MOB3B: variants seen among roughly 807,000 people sequenced by gnomAD.
The protein encoded by MOB3B is MOB kinase activator 3B, also known as MOB kinase activator-like 2B.
Under a neutral mutation model 18.7 loss-of-function variants are expected in MOB3B, and 7 were observed. That is an observed-to-expected ratio of 0.37 (90% CI 0.21 to 0.70). The LOEUF (loss-of-function observed/expected upper bound fraction) is 0.70. Ranked by LOEUF, MOB3B falls within the 30% of genes least tolerant of loss-of-function variation. The pLI is 0.52. For synonymous variants in MOB3B, 111 were observed against 99.9 expected (o/e 1.11, Z -0.66); for missense variants, 253 against 281.3 (o/e 0.90, Z 0.72).
chr9:27,489,892 A>T (rs1041809129), intron 1 of MOB3B, among the ~76,000 whole-genome samples: 1 of 152,044 alleles, frequency 6.6e-6, no homozygotes, highest in Non-Finnish European at 1.5e-5. Flanking sequence ...CAAAACAACT[A>T]TTAAACTTGA....
At chr9:27,360,486 C>G (rs139450093) in intron 2 of MOB3B, among the ~76,000 whole-genome samples, 3 of 152,340 alleles carry the variant, frequency 2.0e-5, no homozygotes, top group African/African-American at 7.2e-5. Flanking sequence ...GCCTTGGCGA[C>G]AGAGTGAGAC....
intron 2 of MOB3B, among the ~76,000 whole-genome samples, chr9:27,428,679 G>A (rs1822373238): frequency 6.6e-6 from 1 of 152,242 alleles, no homozygotes; most frequent in African/African-American, 2.4e-5. Flanking sequence ...AAAGGTGATA[G>A]CTGCAGGGCA....
chr9:27,459,927 T>C (rs1237726100), intron 1 of MOB3B, among the ~76,000 whole-genome samples: 1 of 137,944 alleles, frequency 7.2e-6, no homozygotes, highest in Non-Finnish European at 1.6e-5. Flanking sequence ...TAAGTAGAAA[T>C]GGAAAGTAAA....
At chr9:27,464,033 A>G (rs1354424593) in intron 1 of MOB3B, among the ~76,000 whole-genome samples, 1 of 152,212 alleles carries the variant, frequency 6.6e-6, no homozygotes, top group Non-Finnish European at 1.5e-5. Flanking sequence ...TACTGTGAAA[A>G]TTAGAAGAGA....
intron 1 of MOB3B, among the ~76,000 whole-genome samples, chr9:27,487,957 A>G (rs536754221): frequency 1.3e-5 from 2 of 152,314 alleles, no homozygotes; most frequent in Admixed American, 1.3e-4. Context: ...TCTGAGAGAA[A>G]TAACCTATTG....
intron 2 of MOB3B, among the ~76,000 whole-genome samples, chr9:27,443,921 A>T (rs867040912): frequency 6.6e-6 from 1 of 152,152 alleles, no homozygotes. Flanking sequence ...CATGAATGGC[A>T]TATGTATGAT....
At chr9:27,387,023 G>T (rs1821658887) in intron 2 of MOB3B, among the ~76,000 whole-genome samples, 1 of 152,164 alleles carries the variant, frequency 6.6e-6, no homozygotes, top group Admixed American at 6.5e-5. Context: ...TGGCAGAGTT[G>T]CTTCTGCGTA....
intron 1 of MOB3B, among the ~76,000 whole-genome samples, chr9:27,510,329 G>T (rs1447188261): frequency 6.6e-6 from 1 of 152,202 alleles, no homozygotes; most frequent in East Asian, 1.9e-4. Flanking sequence ...CTAACCAAGA[G>T]TAACTGTGCA....
chr9:27,364,473 T>C (rs1322933519), intron 2 of MOB3B, among the ~76,000 whole-genome samples: 1 of 152,212 alleles, frequency 6.6e-6, no homozygotes, highest in Non-Finnish European at 1.5e-5. Flanking sequence ...TAGTAAAGGA[T>C]CTGAGAATAT....
At chr9:27,401,310 T>C (rs1360070113) in intron 2 of MOB3B, among the ~76,000 whole-genome samples, 1 of 152,156 alleles carries the variant, frequency 6.6e-6, no homozygotes, top group Non-Finnish European at 1.5e-5. Context: ...ATTCAATGGC[T>C]CACGACTAAC....
intron 1 of MOB3B, among the ~76,000 whole-genome samples, chr9:27,522,235 C>T (rs1206102334): frequency 2.0e-5 from 2 of 99,824 alleles, no homozygotes; most frequent in South Asian, 3.8e-4. Context: ...AGCAAGACCC[C>T]GTCTCACAAA....
chr9:27,407,862 G>T (rs1344555870), intron 2 of MOB3B, among the ~76,000 whole-genome samples: 1 of 152,102 alleles, frequency 6.6e-6, no homozygotes, highest in Non-Finnish European at 1.5e-5. Flanking sequence ...CTTTCCTTCA[G>T]TTTTTTCCCC....
chr9:27,527,824 T>A (rs1453220680), intron 1 of MOB3B, among the ~76,000 whole-genome samples: 2 of 152,334 alleles, frequency 1.3e-5, no homozygotes, highest in East Asian at 3.9e-4. Flanking sequence ...CCCTGACTTC[T>A]CAGAGTAGCT....
chr9:27,405,089 TTG>T (rs1821946165), intron 2 of MOB3B, among the ~76,000 whole-genome samples: 3 of 125,434 alleles, frequency 2.4e-5, no homozygotes, highest in Non-Finnish European at 4.9e-5. Flanking sequence ...TTCAGAACCT[TTG>T]TCTTTTTTTT....
chr9:27,441,540 A>C (rs1822594750), intron 2 of MOB3B, among the ~76,000 whole-genome samples: 3 of 152,184 alleles, frequency 2.0e-5, no homozygotes, highest in African/African-American at 7.2e-5. Flanking sequence ...TAGAGTCTAC[A>C]GTGTGGGTAT....
chr9:27,470,657 C>T (rs1193537854), intron 1 of MOB3B, among the ~76,000 whole-genome samples: 3 of 152,176 alleles, frequency 2.0e-5, no homozygotes, highest in Non-Finnish European at 4.4e-5. Context: ...CAGGGCCCAC[C>T]CACCCATCTG....
chr9:27,491,203 T>G (rs942243923), intron 1 of MOB3B, among the ~76,000 whole-genome samples: 1 of 152,198 alleles, frequency 6.6e-6, no homozygotes, highest in African/African-American at 2.4e-5. Context: ...AACTGTTCAT[T>G]TGAAGCTATC....
intron 1 of MOB3B, among the ~76,000 whole-genome samples, chr9:27,467,318 G>T (rs1416764275): frequency 6.6e-6 from 1 of 152,146 alleles, no homozygotes; most frequent in Non-Finnish European, 1.5e-5. Flanking sequence ...TGTTGTTAGG[G>T]TGCTAATACC....
At chr9:27,395,992 T>C (rs1037185429) in intron 2 of MOB3B, among the ~76,000 whole-genome samples, 1 of 152,116 alleles carries the variant, frequency 6.6e-6, no homozygotes, top group Non-Finnish European at 1.5e-5. Flanking sequence ...GCTGGGAGCT[T>C]TGAGGACGGG....
Sources: gnomAD v4.1 joint callset for allele counts (sites outside exome capture counted in the v4.1 genomes callset) on GRCh38, gnomAD v4.1.1 for gene constraint, MANE v1.5 for transcripts, NCBI Gene and HGNC (gene_info 2026-07-23, HGNC 2026-07-21) for gene names.